The following SCFD2 variants were observed in gnomAD, a reference collection of about 807,000 sequenced individuals.
The protein encoded by SCFD2 is sec1 family domain-containing protein 2.
A neutral mutation model predicts 58.9 loss-of-function variants in SCFD2; 54 were observed. The observed-to-expected ratio is 0.92, with a 90% CI of 0.74 to 1.15. The LOEUF is 1.15. SCFD2 is among the 50% of genes most tolerant of loss of function. SCFD2 has a pLI of 0.00. For synonymous variants in SCFD2, 321 were observed against 335.9 expected, an observed-to-expected ratio of 0.96 and a Z score of 0.49; for missense variants, 805 against 836.6, an observed-to-expected ratio of 0.96 and a Z score of 0.47.
intron 5 of SCFD2, among the ~76,000 whole-genome samples, chr4:53,128,727 T>C (rs1725704563): frequency 6.6e-6 from 1 of 152,172 alleles, no homozygotes; most frequent in Non-Finnish European, 1.5e-5. Flanking sequence ...TATATGAAAA[T>C]ATGTGCTTCA....
intron 2 of SCFD2, among the ~76,000 whole-genome samples, chr4:53,335,211 A>AC (rs556556171): frequency 0.2 from 28,194 of 138,132 alleles, 4,024 homozygotes; most frequent in African/African-American, 0.38. Flanking sequence ...AAAAAAAAAA[A>AC]AACAACAAAA....
chr4:53,335,619 G>A (rs1337250747), intron 2 of SCFD2, among the ~76,000 whole-genome samples: 6 of 152,010 alleles, frequency 3.9e-5, no homozygotes, highest in Non-Finnish European at 7.4e-5. Flanking sequence ...GGGAGTGATG[G>A]GCATCATGTT....
At chr4:52,899,095 CTT>C (rs1719107250) in intron 7 of SCFD2, among the ~76,000 whole-genome samples, 1 of 152,160 alleles carries the variant, frequency 6.6e-6, no homozygotes, top group Non-Finnish European at 1.5e-5. Flanking sequence ...GGTCTTGACT[CTT>C]TATCCGATTT....
Position 52,930,263 on chromosome 4 carries a change from A to C in SCFD2, c.1562-9393T>G, listed in dbSNP as rs184310382. Among the ~76,000 whole-genome samples the C allele has an allele frequency of 1.6e-3, 241 of 152,288 alleles. 3 individuals are homozygous for C. Among genetic ancestry groups the C allele is most frequent in the Admixed American group, 0.016 (237 of 15,286 alleles). The stretch of plus-strand genomic sequence containing the variant: ...GTCAAAAACAAGCAATAGGGAAAGG[A>C]TTCCCTATTTAATAAGTGGTGCTGG... On this transcript the variant is annotated intron_variant, in intron 5 of 8. Transcript: ENST00000401642.
chr4:53,002,593 GAGCCTTGATAC>G (rs1721887481), intron 5 of SCFD2, among the ~76,000 whole-genome samples: 1 of 152,114 alleles, frequency 6.6e-6, no homozygotes, highest in Non-Finnish European at 1.5e-5. Context: ...CCCCTCCTAT[GAGCCTTGATAC>G]AGTTTTAGGC....
chr4:53,314,513 G>A (rs1389390404), intron 2 of SCFD2, among the ~76,000 whole-genome samples: 2 of 152,178 alleles, frequency 1.3e-5, no homozygotes, highest in African/African-American at 4.8e-5. Context: ...ATGTAGCCAA[G>A]TATACACATT....
rs528431336 is a variant in SCFD2, at chr4:53,156,260, A to G, written c.1312-10678T>C. On this transcript the variant is annotated intron_variant, in intron 4 of 8. Coordinates refer to ENST00000401642, the MANE Select transcript of SCFD2 (RefSeq NM_152540.4). ...ATAAAAATACAAAAATTAGCCAGGTATGGTTGCAGGCACCTGTAATCCCAG... is the reference window on the plus strand; with the variant it reads ...ATAAAAATACAAAAATTAGCCAGGTGTGGTTGCAGGCACCTGTAATCCCAG... Among the ~76,000 whole-genome samples, 6 of 152,102 alleles carry G rather than the reference A, an allele frequency of 3.9e-5. No individual in the cohort carries two copies. In the East Asian group the frequency reaches 9.7e-4, roughly 25 times the overall value.
chr4:53,029,556 TA>T (rs1293067620), intron 5 of SCFD2, among the ~76,000 whole-genome samples: 1 of 152,242 alleles, frequency 6.6e-6, no homozygotes, highest in African/African-American at 2.4e-5. Context: ...CATTAAGCTA[TA>T]AACAACAACA....
chr4:53,032,292 C>G (rs1335081604), intron 5 of SCFD2, among the ~76,000 whole-genome samples: 1 of 152,084 alleles, frequency 6.6e-6, no homozygotes, highest in Non-Finnish European at 1.5e-5. Flanking sequence ...GAAGGAAGCA[C>G]TAAACATGGA....
intron 4 of SCFD2, among the ~76,000 whole-genome samples, chr4:53,204,767 C>A (rs542802497): frequency 6.8e-6 from 1 of 147,742 alleles, no homozygotes; most frequent in Non-Finnish European, 1.5e-5. Flanking sequence ...TTTGAGAATA[C>A]TGGTAAGAAG....
At chr4:52,918,412 G>A (rs2109482799) in intron 6 of SCFD2, among the ~76,000 whole-genome samples, 1 of 152,182 alleles carries the variant, frequency 6.6e-6, no homozygotes, top group Middle Eastern at 3.4e-3. Context: ...AGGTACTGGG[G>A]ATACGGCAGT....
chr4:53,326,649 AT>A (rs1553900504), intron 2 of SCFD2, among the ~76,000 whole-genome samples: 1 of 152,172 alleles, frequency 6.6e-6, no homozygotes, highest in Non-Finnish European at 1.5e-5. Context: ...AAAGAAAAAA[AT>A]ATCTTCTCAT....
At chr4:52,996,119 G>A (rs1026460072) in intron 5 of SCFD2, among the ~76,000 whole-genome samples, 5 of 152,144 alleles carry the variant, frequency 3.3e-5, no homozygotes, top group Admixed American at 6.5e-5. Context: ...AAGTCACCTC[G>A]ATTATGGAAG....
chr4:53,108,772 G>A (rs773307566), intron 5 of SCFD2, among the ~76,000 whole-genome samples: 1 of 152,132 alleles, frequency 6.6e-6, no homozygotes, highest in Non-Finnish European at 1.5e-5. Context: ...AGTCACAGCT[G>A]AATTCTACCA....
At chr4:53,117,669 T>C (rs1379201302) in intron 5 of SCFD2, among the ~76,000 whole-genome samples, 1 of 152,170 alleles carries the variant, frequency 6.6e-6, no homozygotes, top group East Asian at 1.9e-4. Context: ...ACCAGGAGTT[T>C]TGTGCACACT....
chr4:53,356,838 G>A (rs1395094754), intron 1 of SCFD2, among the ~76,000 whole-genome samples: 3 of 148,150 alleles, frequency 2.0e-5, no homozygotes, highest in African/African-American at 5.0e-5. Flanking sequence ...CTCGGTTCAC[G>A]CCATTCTCCT....
At chr4:53,100,828 C>T (rs530333195) in intron 5 of SCFD2, among the ~76,000 whole-genome samples, 5 of 152,110 alleles carry the variant, frequency 3.3e-5, no homozygotes, top group South Asian at 2.1e-4. Flanking sequence ...ATATAACCAA[C>T]GTTAGAAGTA....
chr4:53,358,544 C>G (rs544535494), intron 1 of SCFD2, among the ~76,000 whole-genome samples: 13 of 144,248 alleles, frequency 9.0e-5, no homozygotes, highest in Admixed American at 2.8e-4. Flanking sequence ...CACAGTGAGA[C>G]GCTGTCTCAG....
intron 5 of SCFD2, chr4:52,948,558 T>A (rs1200324366): frequency 2.2e-6 from 1 of 456,260 alleles, no homozygotes; most frequent in East Asian, 7.0e-5. Context: ...CAAATGTAAG[T>A]CAGTGCTAAT....
Sources: allele counts gnomAD v4.1 joint callset (sites outside exome capture counted in the v4.1 genomes callset), GRCh38; gene constraint gnomAD v4.1.1; transcripts MANE v1.5; gene names NCBI Gene and HGNC (gene_info 2026-07-23, HGNC 2026-07-21).